CNTN5: variants seen among roughly 807,000 people sequenced by gnomAD.
The protein encoded by CNTN5 is contactin 5.
CNTN5 carries 77 observed loss-of-function variants against 129.1 expected under a neutral mutation model. That is an observed-to-expected ratio of 0.60 (90% CI 0.50 to 0.72). CNTN5 has a LOEUF of 0.72. Ranked by LOEUF, CNTN5 falls within the 30% of genes least tolerant of loss-of-function variation. The probability of loss-of-function intolerance (pLI) is 0.00; values close to 1 mark genes in which losing one functional copy is unlikely to be tolerated. For synonymous variants in CNTN5, 509 were observed against 465.6 expected (o/e 1.09, Z -1.20); for missense variants, 1,478 against 1,328.8 (o/e 1.11, Z -1.75).
chr11:99,737,859 A>G (rs1460035804), intron 3 of CNTN5, among the ~76,000 whole-genome samples: 1 of 152,076 alleles, frequency 6.6e-6, no homozygotes. Flanking sequence ...TTCACTTTTT[A>G]ACGTCACTAA....
intron 21 of CNTN5, among the ~76,000 whole-genome samples, chr11:100,333,735 TTGAAAA>T (rs1294225841): frequency 6.6e-6 from 1 of 152,080 alleles, no homozygotes; most frequent in Admixed American, 6.6e-5. Flanking sequence ...TAGCCACATG[TTGAAAA>T]TGAAACTGGA....
At chr11:100,001,389 A>G (rs1939867402) in intron 8 of CNTN5, among the ~76,000 whole-genome samples, 2 of 152,268 alleles carry the variant, frequency 1.3e-5, no homozygotes, top group African/African-American at 4.8e-5. Context: ...CGACATACGC[A>G]GATTACAATT....
At chr11:100,200,889 T>C (rs923793282) in intron 15 of CNTN5, among the ~76,000 whole-genome samples, 1 of 151,986 alleles carries the variant, frequency 6.6e-6, no homozygotes, top group Admixed American at 6.6e-5. Context: ...GGACTGTATA[T>C]GTTTTCTCTT....
intron 2 of CNTN5, among the ~76,000 whole-genome samples, chr11:99,357,988 A>T (rs1938804780): frequency 1.3e-5 from 2 of 148,154 alleles, no homozygotes; most frequent in South Asian, 4.3e-4. Context: ...TGGGCGAGAG[A>T]GGGAGACTCT....
At chr11:99,947,883 ATGT>A (rs201631706) in intron 7 of CNTN5, among the ~76,000 whole-genome samples, 1,799 of 152,342 alleles carry the variant, frequency 0.012, 38 homozygotes, top group African/African-American at 0.041. Flanking sequence ...TAGTGAAAAA[ATGT>A]TGAGTGTTTT....
At chr11:99,534,364 T>G (rs1242746080) in intron 2 of CNTN5, among the ~76,000 whole-genome samples, 1 of 151,710 alleles carries the variant, frequency 6.6e-6, no homozygotes, top group Non-Finnish European at 1.5e-5. Flanking sequence ...TGAGCATGAT[T>G]TTAATGAGAT....
At chr11:99,372,785 T>C (rs1939903718) in intron 2 of CNTN5, among the ~76,000 whole-genome samples, 1 of 152,264 alleles carries the variant, frequency 6.6e-6, no homozygotes, top group African/African-American at 2.4e-5. Context: ...ACAGTTTATC[T>C]AATGTTATAA....
intron 9 of CNTN5, among the ~76,000 whole-genome samples, chr11:100,019,943 T>C (rs1012106643): frequency 1.3e-5 from 2 of 151,980 alleles, no homozygotes; most frequent in African/African-American, 4.8e-5. Context: ...TGTACCTCTT[T>C]TTTTGAGAAC....
intron 10 of CNTN5, among the ~76,000 whole-genome samples, chr11:100,068,529 G>A (rs530689430): frequency 4.6e-5 from 7 of 152,286 alleles, no homozygotes; most frequent in African/African-American, 9.6e-5. Flanking sequence ...CATGCATAGT[G>A]TAAAGTATCC....
chr11:100,285,263 C>G (rs1950750355), intron 18 of CNTN5, among the ~76,000 whole-genome samples: 1 of 152,190 alleles, frequency 6.6e-6, no homozygotes, highest in Non-Finnish European at 1.5e-5. Context: ...TTTGTTGATA[C>G]AGTAAGAACC....
At chr11:100,277,020 A>T (rs968068653) in intron 18 of CNTN5, among the ~76,000 whole-genome samples, 4 of 151,792 alleles carry the variant, frequency 2.6e-5, no homozygotes, top group Non-Finnish European at 4.4e-5. Flanking sequence ...CTCTATTTAC[A>T]TGAGTTCGAT....
intron 6 of CNTN5, among the ~76,000 whole-genome samples, chr11:99,912,976 A>G (rs1949700287): frequency 6.6e-6 from 1 of 152,094 alleles, no homozygotes. Context: ...AAAATAGAAC[A>G]CACGAACATG....
chr11:99,308,761 T>C (rs1864978697), intron 1 of CNTN5, among the ~76,000 whole-genome samples: 1 of 152,178 alleles, frequency 6.6e-6, no homozygotes. Flanking sequence ...ATTCTGTAAT[T>C]TCTGTTACAC....
intron 13 of CNTN5, among the ~76,000 whole-genome samples, chr11:100,083,714 G>T (rs1157103761): frequency 1.3e-5 from 2 of 152,140 alleles, no homozygotes. Context: ...GTATAACGAT[G>T]ATCACAAATA....
Position 100,291,747 on chromosome 11 carries a change from A to G in CNTN5, c.2315-5878A>G, listed in dbSNP as rs1417678746. ...GCACATGTACCCTAAAACGTAAAGT[A>G]TAATAATAAATAAATAAATAAATAA... On this transcript the variant is annotated intron_variant, in intron 18 of 24. Coordinates refer to ENST00000524871, the MANE Select transcript of CNTN5 (RefSeq NM_014361.4). Among the ~76,000 whole-genome samples the G allele has an allele frequency of 4.7e-5, 6 of 127,866 alleles. 1 individual carries two copies. In the South Asian group the frequency reaches 1.3e-3, roughly 28 times the overall value. The allele number at this position is 127,866 out of a possible 152,430, so 83.9% of individuals were successfully genotyped here.
intron 3 of CNTN5, among the ~76,000 whole-genome samples, chr11:99,738,952 T>C (rs1311503225): frequency 6.6e-6 from 1 of 152,178 alleles, no homozygotes; most frequent in Non-Finnish European, 1.5e-5. Context: ...TGTATGTGTA[T>C]GTATTTGTGG....
chr11:99,176,210 G>A (rs2135552405), intron 1 of CNTN5, among the ~76,000 whole-genome samples: 1 of 152,034 alleles, frequency 6.6e-6, no homozygotes, highest in South Asian at 2.1e-4. Context: ...TACAACATGA[G>A]CCATTCTTTT....
chr11:99,730,997 A>C (rs1465205795), intron 3 of CNTN5, among the ~76,000 whole-genome samples: 1 of 152,168 alleles, frequency 6.6e-6, no homozygotes, highest in Non-Finnish European at 1.5e-5. Flanking sequence ...CTCTACCTCC[A>C]TGAGATAGCT....
chr11:99,774,132 G>A (rs1489623586), intron 3 of CNTN5, among the ~76,000 whole-genome samples: 4 of 152,038 alleles, frequency 2.6e-5, no homozygotes, highest in Middle Eastern at 3.4e-3. Flanking sequence ...AATGGTTTAA[G>A]TTTTCGAACC....
Sources: gnomAD v4.1 joint callset for allele counts (sites outside exome capture counted in the v4.1 genomes callset) on GRCh38, gnomAD v4.1.1 for gene constraint, MANE v1.5 for transcripts, NCBI Gene and HGNC (gene_info 2026-07-23, HGNC 2026-07-21) for gene names.